SOHLH2: variants seen among roughly 807,000 people sequenced by gnomAD.
SOHLH2 encodes spermatogenesis- and oogenesis-specific basic helix-loop-helix-containing protein 2.
In SOHLH2, 22 loss-of-function variants were observed where a neutral mutation model predicts 50.4. The ratio of observed to expected loss-of-function variants is 0.44; its 90% CI spans 0.31 to 0.62. The LOEUF is 0.62. Among genes scored for constraint, SOHLH2 ranks in the 20% least tolerant of loss-of-function variants. The pLI is 0.08. For synonymous variants in SOHLH2, 185 were observed against 187.3 expected (o/e 0.99, Z 0.10); for missense variants, 412 against 504.4 (o/e 0.82, Z 1.76).
At chr13:36,179,963 G>A (rs555187881) in intron 6 of SOHLH2, among the ~76,000 whole-genome samples, 2 of 152,240 alleles carry the variant, frequency 1.3e-5, no homozygotes, top group South Asian at 4.1e-4. Flanking sequence ...CTGTAAGAAC[G>A]TGTTTAAGAT....
chr13:36,214,142 C>A (rs187557821), intron 1 of SOHLH2, among the ~76,000 whole-genome samples: 2 of 151,666 alleles, frequency 1.3e-5, no homozygotes, highest in African/African-American at 4.8e-5. Context: ...CTGAACATTT[C>A]ATCAGTTAAT....
intron 6 of SOHLH2, among the ~76,000 whole-genome samples, chr13:36,184,550 C>T (rs549238299): frequency 6.7e-6 from 1 of 149,290 alleles, no homozygotes; most frequent in Admixed American, 6.7e-5. Context: ...AGCTCCGCCT[C>T]CCGGGTTCAC....
At position 36,174,837 on chromosome 13, in the gene SOHLH2, C is replaced by A; in HGVS notation, c.674G>T (p.Arg225Leu). ...ERIKYCCEQL[R>L]TLLPYVKGRK... Reference sequence around the variant, plus strand: ...CCCTTTTACATACGGCAAGAGAGTACGCAGCTGCTCACAGCAATATTTGAT... The same window carrying A: ...CCCTTTTACATACGGCAAGAGAGTAAGCAGCTGCTCACAGCAATATTTGAT... The change falls in exon 7 of 11, where the codon CGT becomes CTT. Residue 225 changes from arginine to leucine, a missense_variant. Transcript: ENST00000379881. 1 of 1,591,218 alleles carries A rather than the reference C, an allele frequency of 6.3e-7. No individual in the cohort carries two copies. Among genetic ancestry groups the A allele is most frequent in the Non-Finnish European group, 8.5e-7 (1 of 1,173,820 alleles).
At chr13:36,182,863 T>C (rs555713860) in intron 6 of SOHLH2, 84 of 154,706 alleles carry the variant, frequency 5.4e-4, no homozygotes, top group Non-Finnish European at 9.1e-4. Flanking sequence ...CAAATAACAA[T>C]GCTGGGTTGA....
chr13:36,214,053 T>G (rs2138340522), intron 1 of SOHLH2, among the ~76,000 whole-genome samples: 1 of 152,190 alleles, frequency 6.6e-6, no homozygotes, highest in East Asian at 1.9e-4. Context: ...TTTTTTTTTT[T>G]TTTTTAGTTG....
chr13:36,194,583 C>T, intron 2 of SOHLH2, among the ~76,000 whole-genome samples: 1 of 152,168 alleles, frequency 6.6e-6, no homozygotes, highest in East Asian at 1.9e-4. Flanking sequence ...TATACTCTCT[C>T]CCCTTTTATT....
At chr13:36,198,200 GC>G (rs1312778525) in intron 2 of SOHLH2, among the ~76,000 whole-genome samples, 1 of 152,200 alleles carries the variant, frequency 6.6e-6, no homozygotes, top group Admixed American at 6.5e-5. Flanking sequence ...CTTTTCTGTT[GC>G]TAAACTGCTC....
chr13:36,191,739 ACAAT>A, intron 5 of SOHLH2, 52 bp downstream of exon 5: 2 of 1,605,694 alleles, frequency 1.2e-6, no homozygotes, highest in Non-Finnish European at 1.7e-6. Flanking sequence ...CAAAATAGCC[ACAAT>A]CAATAAGTTC....
chr13:36,204,550 T>C (rs145259993), intron 1 of SOHLH2, among the ~76,000 whole-genome samples: 251 of 152,332 alleles, frequency 1.6e-3, no homozygotes, highest in African/African-American at 5.8e-3. Flanking sequence ...ACTAACCTTC[T>C]CTCAGTGTTT....
At chr13:36,210,810 CACA>C (rs370680928) in intron 1 of SOHLH2, among the ~76,000 whole-genome samples, 158 of 152,258 alleles carry the variant, frequency 1.0e-3, no homozygotes, top group African/African-American at 3.7e-3. Flanking sequence ...AAGAACACAG[CACA>C]ACACTTTTAA....
intron 1 of SOHLH2, among the ~76,000 whole-genome samples, chr13:36,209,067 T>C (rs1219554739): frequency 2.0e-5 from 3 of 152,188 alleles, no homozygotes; most frequent in Admixed American, 2.0e-4. Flanking sequence ...TCCTTTCTGT[T>C]GTCTTTGTCT....
intron 2 of SOHLH2, among the ~76,000 whole-genome samples, chr13:36,196,085 TAGAC>T (rs1241981113): frequency 4.6e-5 from 6 of 129,516 alleles, no homozygotes; most frequent in African/African-American, 1.9e-4. Context: ...ATATACATTT[TAGAC>T]AGACAGAAAG....
At chr13:36,197,081 T>C (rs971810812) in intron 2 of SOHLH2, among the ~76,000 whole-genome samples, 4 of 152,208 alleles carry the variant, frequency 2.6e-5, no homozygotes, top group Non-Finnish European at 5.9e-5. Context: ...ATCACTTTTA[T>C]CCACACCAAC....
At chr13:36,182,830 G>C (rs543611680) in intron 6 of SOHLH2, 2 of 153,228 alleles carry the variant, frequency 1.3e-5, no homozygotes, top group African/African-American at 4.8e-5. Flanking sequence ...ATAACTGGGC[G>C]ACAGCTTACT....
At chr13:36,207,902 G>C (rs920776554) in intron 1 of SOHLH2, among the ~76,000 whole-genome samples, 4 of 152,150 alleles carry the variant, frequency 2.6e-5, no homozygotes, top group African/African-American at 9.7e-5. Context: ...ATATATCAAT[G>C]AGAGATTTCC....
At chr13:36,181,382 T>C (rs2138279422) in intron 6 of SOHLH2, among the ~76,000 whole-genome samples, 1 of 152,266 alleles carries the variant, frequency 6.6e-6, no homozygotes, top group South Asian at 2.1e-4. Context: ...CTCTGTAGTC[T>C]CTTTTGCTTT....
At chr13:36,212,402 CAAATT>C (rs1183507038) in intron 1 of SOHLH2, among the ~76,000 whole-genome samples, 1 of 152,098 alleles carries the variant, frequency 6.6e-6, no homozygotes, top group Non-Finnish European at 1.5e-5. Flanking sequence ...TTCCATAACT[CAAATT>C]AACAGAATAG....
At chr13:36,197,722 C>G (rs1887776971) in intron 2 of SOHLH2, among the ~76,000 whole-genome samples, 3 of 152,134 alleles carry the variant, frequency 2.0e-5, no homozygotes, top group African/African-American at 7.2e-5. Flanking sequence ...TTGTTAATTA[C>G]TTAATTAAGC....
chr13:36,201,950 T>C lies in SOHLH2; in HGVS notation c.192A>G (p.Ile64Met). The C allele has an allele frequency of 6.2e-7, 1 of 1,614,228 alleles. No homozygotes were observed. The highest frequency in any genetic ancestry group is 8.5e-7 in the Non-Finnish European group (1 of 1,180,042). ...GCACCTTCAAGAGAACCATGTTGAATATGCAATCATCCAAAAGCGCTGCTG... is the reference window on the plus strand; with the variant it reads ...GCACCTTCAAGAGAACCATGTTGAACATGCAATCATCCAAAAGCGCTGCTG... ...KEAAALLDDCIFNMVLLKVPS... is the reference protein window; with the variant it reads ...KEAAALLDDCMFNMVLLKVPS... Residue 64 changes from isoleucine (I) to methionine (M), a missense_variant, in exon 2 of 11, where the codon ATA becomes ATG. Ile to Met is a conservative substitution (Grantham distance 10, BLOSUM62 1). Coordinates refer to ENST00000379881, the MANE Select transcript of SOHLH2 (RefSeq NM_017826.3).
Sources: gnomAD v4.1 joint callset for allele counts (sites outside exome capture counted in the v4.1 genomes callset) on GRCh38, gnomAD v4.1.1 for gene constraint, MANE v1.5 for transcripts, NCBI Gene and HGNC (gene_info 2026-07-23, HGNC 2026-07-21) for gene names.